NCOR2: variants seen among roughly 807,000 people sequenced by gnomAD.
NCOR2 encodes the protein nuclear receptor corepressor 2, also known as CTG repeat protein 26.
NCOR2 carries 81 observed loss-of-function variants against 262.9 expected under a neutral mutation model. That is an observed-to-expected ratio of 0.31 (90% CI 0.26 to 0.37). The LOEUF (loss-of-function observed/expected upper bound fraction) is 0.37, where lower values mean the gene tolerates loss of function less well. Among genes scored for constraint, NCOR2 ranks in the 10% least tolerant of loss-of-function variants. The probability of loss-of-function intolerance (pLI) is 1.00; values close to 1 mark genes in which losing one functional copy is unlikely to be tolerated. For missense variants in NCOR2, 3,385 were observed against 3,621.4 expected, an observed-to-expected ratio of 0.93 and a Z score of 1.68; for synonymous variants, 1,659 against 1,559.3, an observed-to-expected ratio of 1.06 and a Z score of -1.51.
intron 6 of NCOR2, among the ~76,000 whole-genome samples, chr12:124,452,928 C>CT (rs943956762): frequency 6.6e-6 from 1 of 152,122 alleles, no homozygotes; most frequent in African/African-American, 2.4e-5. Context: ...AACTGCCCCC[C>CT]TGGGAGGCAC....
chr12:124,400,745 G>A (rs7969396), intron 14 of NCOR2, 72 bp from the exon 17 acceptor site: 77 of 1,549,226 alleles, frequency 5.0e-5, no homozygotes, highest in Middle Eastern at 3.4e-4. Context: ...GGAGGAGACT[G>A]TTTCTTTAGC....
intron 13 of NCOR2, among the ~76,000 whole-genome samples, chr12:124,411,315 A>T (rs907668325): frequency 2.0e-5 from 3 of 152,068 alleles, no homozygotes; most frequent in Admixed American, 6.5e-5. Flanking sequence ...AATGCAGGAG[A>T]TTCAGAGCCA....
chr12:124,462,511 G>A (rs541958633), intron 5 of NCOR2, among the ~76,000 whole-genome samples: 1 of 152,336 alleles, frequency 6.6e-6, no homozygotes, highest in South Asian at 2.1e-4. Flanking sequence ...CAGGAAAAGC[G>A]GCAGGTCAGA....
At chr12:124,495,292 A>T, upstream of NCOR2, 3 of 1,584,428 alleles carry the variant, frequency 1.9e-6, no homozygotes, top group Non-Finnish European at 1.7e-6. The surrounding 1 kb of genome is among the most constrained non-coding windows in gnomAD (Gnocchi z 4.4). Flanking sequence ...AGGCCCCAAT[A>T]AGCTTTCTCT....
At chr12:124,349,776 TTGAC>T (rs2037278302) in intron 28 of NCOR2, among the ~76,000 whole-genome samples, 1 of 152,180 alleles carries the variant, frequency 6.6e-6, no homozygotes, top group Non-Finnish European at 1.5e-5. Flanking sequence ...AGACAAGCTC[TTGAC>T]TAACCCCACC....
upstream of NCOR2, among the ~76,000 whole-genome samples, chr12:124,496,072 G>A (rs117480353): frequency 9.5e-3 from 1,447 of 152,150 alleles, 15 homozygotes; most frequent in Non-Finnish European, 0.015. This position sits in a 1 kb window ranked among gnomAD's most constrained non-coding sequence, Gnocchi z 4.4. Flanking sequence ...AGCCTTCCAC[G>A]GGAGAGGATC....
chr12:124,523,767 G>A lies in NCOR2; in HGVS notation c.-118+11798C>T, dbSNP rs1225804721. Among the ~76,000 whole-genome samples the A allele has an allele frequency of 6.6e-6, 1 of 152,234 alleles. No homozygotes were observed. Among genetic ancestry groups the A allele is most frequent in the African/African-American group, 2.4e-5 (1 of 41,454 alleles). Reference sequence around the variant, plus strand: ...TTGCCTTACAACAATCCTATGGGGTGCTGTCATACCCATTCCATTAATACA... The same window carrying A: ...TTGCCTTACAACAATCCTATGGGGTACTGTCATACCCATTCCATTAATACA... On this transcript the variant is annotated intron_variant, in intron 1 of 46. Transcript: ENST00000404621. The surrounding 1 kb of genome is among the most constrained non-coding windows in gnomAD (Gnocchi z 4.0).
intron 1 of NCOR2, among the ~76,000 whole-genome samples, chr12:124,494,867 G>A (rs564808100): frequency 5.1e-4 from 77 of 152,328 alleles, no homozygotes; most frequent in Middle Eastern, 6.8e-3. Flanking sequence ...CTCCACATTC[G>A]CGTGCCAATC....
At chr12:124,331,952 T>A (rs191834632) in intron 43 of NCOR2, 72 of 248,222 alleles carry the variant, frequency 2.9e-4, no homozygotes, top group African/African-American at 1.5e-3. Context: ...GGGGCGTTCA[T>A]ACCCAGCAAC....
intron 4 of NCOR2, among the ~76,000 whole-genome samples, chr12:124,470,520 T>A (rs1245055453): frequency 2.0e-5 from 3 of 152,110 alleles, no homozygotes; most frequent in Admixed American, 2.0e-4. Context: ...TAAAAAGGAA[T>A]GAAGGATGGA....
chr12:124,443,783 G>C lies in NCOR2; in HGVS notation c.816-5787C>G, dbSNP rs2044976128. 6.6e-6 allele frequency among the ~76,000 whole-genome samples: 1 copy of C among 152,204 alleles called. No individual in the cohort carries two copies. The highest frequency in any genetic ancestry group is 1.5e-5 in the Non-Finnish European group (1 of 68,038). ...CCCAAAGTGCTGGGATTACAGGTGT[G>C]AGCCACCGCACCCGGCTGGTGCTTT... On this transcript the variant is annotated intron_variant, in intron 7 of 46. Transcript: ENST00000405201. This position sits in a 1 kb window ranked among gnomAD's most constrained non-coding sequence, Gnocchi z 4.4.
At position 124,443,007 on chromosome 12, in the gene NCOR2, G is replaced by A. The variant is rs887949891; in HGVS notation, c.816-5011C>T. On this transcript the variant is annotated intron_variant, in intron 7 of 46. Transcript: ENST00000405201. The surrounding 1 kb of genome is among the most constrained non-coding windows in gnomAD (Gnocchi z 4.4). Reference sequence around the variant, plus strand: ...CCGGCAGCCGCCAGGAGCTGGAACCGGCAAGGAAGCAGCCTCCCCCAGAGC... The same window carrying A: ...CCGGCAGCCGCCAGGAGCTGGAACCAGCAAGGAAGCAGCCTCCCCCAGAGC... 3.9e-5 allele frequency among the ~76,000 whole-genome samples: 6 copies of A among 152,228 alleles called. No individual in the cohort carries two copies. Among genetic ancestry groups the A allele is most frequent in the Admixed American group, 2.0e-4 (3 of 15,286 alleles).
chr12:124,538,986 C>G (rs1315549566), upstream of NCOR2: 1 of 152,330 alleles, frequency 6.6e-6, no homozygotes, highest in Non-Finnish European at 1.5e-5. Context: ...AGGATCCAAA[C>G]CCAGGACCAA....
At chr12:124,361,855 T>C (rs2038613384) in intron 22 of NCOR2, among the ~76,000 whole-genome samples, 1 of 152,278 alleles carries the variant, frequency 6.6e-6, no homozygotes, top group South Asian at 2.1e-4. Context: ...CTGGCTTTGC[T>C]GGAAGAACCA....
intron 1 of NCOR2, among the ~76,000 whole-genome samples, chr12:124,488,491 T>C (rs1372191868): frequency 2.0e-5 from 3 of 152,074 alleles, no homozygotes; most frequent in Non-Finnish European, 2.9e-5. Context: ...CTCCCTCACC[T>C]CTCTGAGGGA....
Position 124,348,207 on chromosome 12 carries a change from C to T in NCOR2, c.3952G>A (p.Val1318Met), listed in dbSNP as rs201804156. 9.3e-6 allele frequency: 15 copies of T among 1,612,542 alleles called. No individual in the cohort carries two copies. The African/African-American group carries it at 1.7e-4, about 19-fold the overall frequency. ...CTGGCTGAGGAGATGGCTCTGCCCACGCGGCCCTCCATCATGTCATAGGTG... is the reference window on the plus strand; with the variant it reads ...CTGGCTGAGGAGATGGCTCTGCCCATGCGGCCCTCCATCATGTCATAGGTG... The change falls in exon 29 of 47, where the codon GTG becomes ATG. Residue 1318 changes from valine to methionine, a missense_variant. By Grantham distance (21) the Val-to-Met change is conservative (BLOSUM62 1). Transcript: ENST00000405201.
intron 1 of NCOR2, among the ~76,000 whole-genome samples, chr12:124,528,847 C>A (rs1229562860): frequency 6.6e-6 from 1 of 152,180 alleles, no homozygotes; most frequent in Admixed American, 6.5e-5. Flanking sequence ...GTCACCTGAC[C>A]TGTCAGAGCC....
At chr12:124,391,456 G>A (rs1246480641) in intron 16 of NCOR2, among the ~76,000 whole-genome samples, 2 of 152,070 alleles carry the variant, frequency 1.3e-5, no homozygotes, top group African/African-American at 4.8e-5. Flanking sequence ...AGCCGTCTTG[G>A]GCCTGAGTCA....
In NCOR2 at chr12:124,396,977, C is replaced by A. The variant is rs146444204; in HGVS notation, c.1876+1142G>T. Among the ~76,000 whole-genome samples the A allele has an allele frequency of 2.6e-5, 4 of 152,332 alleles. No homozygotes were observed. The East Asian group carries it at 5.8e-4, about 22-fold the overall frequency. On this transcript the variant is annotated intron_variant, in intron 16 of 46. Coordinates refer to ENST00000405201, the Ensembl canonical transcript of NCOR2. ...GACAGCCTCGACTCCAGCAGGGCCACGGGACCAAGCACGGGACAGGGACGG... is the reference window on the plus strand; with the variant it reads ...GACAGCCTCGACTCCAGCAGGGCCAAGGGACCAAGCACGGGACAGGGACGG...
Sources: gnomAD v4.1 joint callset for allele counts (sites outside exome capture counted in the v4.1 genomes callset) on GRCh38, gnomAD v4.1.1 for gene constraint, Gnocchi (gnomAD v3.1) non-coding constraint, MANE v1.5 for transcripts, NCBI Gene and HGNC (gene_info 2026-07-23, HGNC 2026-07-21) for gene names.